The following NEBL variants were observed in gnomAD, a reference collection of about 807,000 sequenced individuals.
NEBL encodes the protein LIM and SH3 protein 2.
NEBL carries 122 observed loss-of-function variants against 140.2 expected under a neutral mutation model. The ratio of observed to expected loss-of-function variants is 0.87; its 90% confidence interval spans 0.75 to 1.01. NEBL has a LOEUF of 1.01. Among genes scored for constraint, NEBL ranks in the 50% least tolerant of loss-of-function variants. NEBL has a pLI of 0.00. For synonymous variants in NEBL, 436 were observed against 398.9 expected (o/e 1.09, Z -1.11); for missense variants, 1,365 against 1,231.3 (o/e 1.11, Z -1.62).
At chr10:21,012,827 G>A (rs1051506364) in intron 3 of NEBL, among the ~76,000 whole-genome samples, 5 of 152,142 alleles carry the variant, frequency 3.3e-5, no homozygotes, top group Admixed American at 2.0e-4. Context: ...TCCCTCCACC[G>A]TCAGCTATGG....
intron 16 of NEBL, 87 bp from the exon 17 acceptor site, chr10:20,828,721 G>GGA (rs146479748): frequency 2.3e-5 from 19 of 843,604 alleles, no homozygotes; most frequent in East Asian, 2.7e-5. Flanking sequence ...AAGGAGGAAG[G>GGA]GAGAGAGAGA....
intron 3 of NEBL, among the ~76,000 whole-genome samples, chr10:21,240,231 T>G (rs1296183072): frequency 2.6e-5 from 4 of 152,208 alleles, no homozygotes; most frequent in African/African-American, 7.2e-5. Context: ...CTCCCTGTAT[T>G]TCTAGCTTTT....
At chr10:20,951,395 A>G (rs1206408091) in intron 4 of NEBL, among the ~76,000 whole-genome samples, 1 of 152,092 alleles carries the variant, frequency 6.6e-6, no homozygotes, top group Non-Finnish European at 1.5e-5. Flanking sequence ...AGCAAAAAAA[A>G]AAAAAGAAAG....
chr10:21,169,066 AAATATATATATATAT>A (rs1430406035), intron 2 of NEBL, among the ~76,000 whole-genome samples: 4,099 of 50,954 alleles, frequency 0.08, 320 homozygotes, highest in Admixed American at 0.12. Context: ...AAAAAAAAAA[AAATATATATATATAT>A]ATATATATAT....
intron 18 of NEBL, 133 bp from the exon 19 acceptor site, chr10:20,823,433 A>G: frequency 1.6e-6 from 1 of 629,620 alleles, no homozygotes; most frequent in Non-Finnish European, 2.7e-6. Flanking sequence ...CACTGGGGAC[A>G]TAATTCTTAA....
intron 10 of NEBL, among the ~76,000 whole-genome samples, chr10:20,851,377 C>T (rs1052291240): frequency 2.0e-5 from 3 of 151,982 alleles, no homozygotes; most frequent in African/African-American, 7.2e-5. Flanking sequence ...GGAAATATGA[C>T]ACATTTTAAA....
At chr10:21,099,566 T>C (rs1334853465) in intron 2 of NEBL, among the ~76,000 whole-genome samples, 1 of 152,240 alleles carries the variant, frequency 6.6e-6, no homozygotes, top group Non-Finnish European at 1.5e-5. Context: ...CCTTTAGCTC[T>C]GAAAAACTCA....
chr10:21,171,350 G>GAA lies in NEBL; in HGVS notation c.164+1031_164+1032dup, dbSNP rs59257677. Among the ~76,000 whole-genome samples, 564 of 81,582 alleles carry GAA rather than the reference G, an allele frequency of 6.9e-3. 3 individuals carry two copies. The highest frequency in any genetic ancestry group is 0.026 in the African/African-American group (535 of 20,636). 53.5% of individuals were successfully genotyped at this position (81,582 alleles called of 152,430 possible). On this transcript the variant is annotated intron_variant, in intron 2 of 6. Coordinates refer to the NEBL transcript ENST00000417816. ...ACTTCTGTCTCAAAAAAAAAAAAAA[G>GAA]AAAAAAAAAAAAGAAAGAAAGGAAA...
At position 20,845,294 on chromosome 10, in the gene NEBL, AAATTCTGGAG is replaced by A; in HGVS notation, c.1181_1190del (p.Thr394IlefsTer4). On this transcript the variant is annotated frameshift_variant, in exon 12 of 28. Coordinates refer to ENST00000377122, the MANE Select transcript of NEBL (RefSeq NM_006393.3). LOFTEE classifies it high-confidence loss of function. ...GGTTGGTGATGTACTTTACATGTAA[AAATTCTGGAG>A]TCTTGTCTAAATCCAGTGATGACCT... 1.2e-6 allele frequency: 2 copies of A among 1,601,392 alleles called. No homozygotes were observed. The highest frequency in any genetic ancestry group is 1.7e-6 in the Non-Finnish European group (2 of 1,168,816).
intron 26 of NEBL, among the ~76,000 whole-genome samples, chr10:20,799,149 G>A (rs971297906): frequency 6.6e-6 from 1 of 151,904 alleles, no homozygotes; most frequent in South Asian, 2.1e-4. Flanking sequence ...TAGATTCATC[G>A]CAGAAATTTA....
At chr10:20,970,561 A>G (rs1218988657) in intron 3 of NEBL, among the ~76,000 whole-genome samples, 2 of 151,964 alleles carry the variant, frequency 1.3e-5, no homozygotes, top group African/African-American at 4.8e-5. Context: ...AGGTGTGAGG[A>G]TTGCTTGAGC....
At chr10:20,938,605 T>G (rs1185691436) in intron 4 of NEBL, among the ~76,000 whole-genome samples, 1 of 151,832 alleles carries the variant, frequency 6.6e-6, no homozygotes. Flanking sequence ...CTTTGACGAG[T>G]TGAGAGAAGA....
chr10:21,189,558 G>C (rs540909457), intron 3 of NEBL, among the ~76,000 whole-genome samples: 1 of 152,028 alleles, frequency 6.6e-6, no homozygotes, highest in Non-Finnish European at 1.5e-5. Flanking sequence ...TCTGCCTCCC[G>C]GGTTCCCGCC....
intron 2 of NEBL, among the ~76,000 whole-genome samples, chr10:21,088,261 G>A (rs1836739560): frequency 6.6e-6 from 1 of 152,226 alleles, no homozygotes; most frequent in South Asian, 2.1e-4. Flanking sequence ...AACACTTTGG[G>A]AGGCTGAGAC....
chr10:21,120,940 A>G (rs1478518464), intron 2 of NEBL, among the ~76,000 whole-genome samples: 1 of 152,152 alleles, frequency 6.6e-6, no homozygotes, highest in Non-Finnish European at 1.5e-5. Flanking sequence ...TTGTCCCAAG[A>G]TGATGATGGG....
At chr10:21,188,614 T>C (rs2132214364) in intron 3 of NEBL, among the ~76,000 whole-genome samples, 1 of 151,722 alleles carries the variant, frequency 6.6e-6, no homozygotes, top group African/African-American at 2.4e-5. Flanking sequence ...TTTTTTTTTT[T>C]TTTGAGACAG....
At chr10:21,151,295 A>G (rs937389942) in intron 2 of NEBL, among the ~76,000 whole-genome samples, 2 of 152,176 alleles carry the variant, frequency 1.3e-5, no homozygotes, top group Non-Finnish European at 2.9e-5. Flanking sequence ...CTCCTGCGTC[A>G]CCACTCATGT....
intron 3 of NEBL, among the ~76,000 whole-genome samples, chr10:21,001,123 G>A (rs1837876838): frequency 6.6e-6 from 1 of 152,164 alleles, no homozygotes; most frequent in South Asian, 2.1e-4. Context: ...GAGGGATGGA[G>A]GTGGTCAGGA....
chr10:21,245,815 C>G (rs1006437237), intron 3 of NEBL, among the ~76,000 whole-genome samples: 1 of 152,216 alleles, frequency 6.6e-6, no homozygotes, highest in Non-Finnish European at 1.5e-5. Flanking sequence ...CCTGCCTCAG[C>G]CTCCCAAGTA....
Sources: gnomAD v4.1 joint callset for allele counts (sites outside exome capture counted in the v4.1 genomes callset) on GRCh38, gnomAD v4.1.1 for gene constraint, MANE v1.5 for transcripts, NCBI Gene and HGNC (gene_info 2026-07-23, HGNC 2026-07-21) for gene names.